Variants in LMNB1 observed in about 807,000 individuals in gnomAD.
LMNB1 encodes the protein lamin-B1.
In LMNB1, 23 loss-of-function variants were observed where a neutral mutation model predicts 67.1. That is an observed-to-expected ratio of 0.34 (90% CI 0.25 to 0.49). The LOEUF is 0.49. Among genes scored for constraint, LMNB1 ranks in the 20% least tolerant of loss-of-function variants. LMNB1 has a pLI of 0.99. For synonymous variants in LMNB1, 281 were observed against 282.9 expected (o/e 0.99, Z 0.07); for missense variants, 634 against 746.5 (o/e 0.85, Z 1.76).
At chr5:126,830,440 TG>T (rs1561755563) in intron 9 of LMNB1, among the ~76,000 whole-genome samples, 1 of 152,274 alleles carries the variant, frequency 6.6e-6, no homozygotes, top group Non-Finnish European at 1.5e-5. Flanking sequence ...AACAGCTTTT[TG>T]GTTCTAAATT....
intron 1 of LMNB1, among the ~76,000 whole-genome samples, chr5:126,783,862 A>G (rs1415318165): frequency 6.6e-6 from 1 of 151,910 alleles, no homozygotes. Flanking sequence ...TTCATGTACA[A>G]ATGTTGAGAA....
At chr5:126,836,193 A>G in intron 10 of LMNB1, 30 bp from the exon 11 acceptor site, 1 of 1,552,192 alleles carries the variant, frequency 6.4e-7, no homozygotes, top group African/African-American at 1.4e-5. Flanking sequence ...TTTCTTTAGT[A>G]TTAATTTTTC....
chr5:126,798,433 GAGCGAGACTCTGTCTCAAAACAA>G (rs1751166825), intron 1 of LMNB1, among the ~76,000 whole-genome samples: 1 of 152,086 alleles, frequency 6.6e-6, no homozygotes, highest in African/African-American at 2.4e-5. Context: ...CTGGGCCACA[GAGCGAGACTCTGTCTCAAAACAA>G]ACAAACAAAC....
At chr5:126,819,844 C>A (rs746231252) in intron 6 of LMNB1, among the ~76,000 whole-genome samples, 9 of 152,044 alleles carry the variant, frequency 5.9e-5, no homozygotes, top group Non-Finnish European at 1.0e-4. Flanking sequence ...CACCTGTTCT[C>A]AGAAAAGAGT....
chr5:126,793,856 A>G (rs929452739), intron 1 of LMNB1, among the ~76,000 whole-genome samples: 1 of 152,224 alleles, frequency 6.6e-6, no homozygotes, highest in African/African-American at 2.4e-5. Context: ...GGCCTGGGCA[A>G]CAAGAGTGAA....
intron 5 of LMNB1, among the ~76,000 whole-genome samples, chr5:126,818,239 C>CTTTT (rs376846973): frequency 4.2e-4 from 57 of 134,176 alleles, no homozygotes; most frequent in African/African-American, 1.4e-3. Context: ...GTGTTTATAT[C>CTTTT]TTTTTTTTTT....
chr5:126,786,563 G>C (rs575485549), intron 1 of LMNB1, among the ~76,000 whole-genome samples: 1 of 152,126 alleles, frequency 6.6e-6, no homozygotes, highest in African/African-American at 2.4e-5. Flanking sequence ...ATTGTGATAG[G>C]GTGTTCACAT....
chr5:126,825,324 A>G (rs1186328040), intron 8 of LMNB1, among the ~76,000 whole-genome samples: 1 of 152,204 alleles, frequency 6.6e-6, no homozygotes, highest in African/African-American at 2.4e-5. Flanking sequence ...TTCAATAGCA[A>G]TTATATTTTC....
chr5:126,808,395 G>A (rs1374352363), intron 3 of LMNB1, among the ~76,000 whole-genome samples: 4 of 150,532 alleles, frequency 2.7e-5, no homozygotes, highest in Admixed American at 2.0e-4. Flanking sequence ...TACCATGTTG[G>A]CCAGGCTGGT....
rs1247647965 is a variant in LMNB1, at chr5:126,804,767, C to G, written c.360-9C>G. ...GTTTGATGTCTTATGCTTTTTAAAT[C>G]TGTTCCAGCTATGCTAAGAAGGAAT... On this transcript the variant is annotated splice_polypyrimidine_tract_variant and intron_variant, in intron 1 of 10. Coordinates refer to ENST00000261366, the MANE Select transcript of LMNB1 (RefSeq NM_005573.4). 1.2e-6 allele frequency: 2 copies of G among 1,612,198 alleles called. No homozygotes were observed. Among genetic ancestry groups the G allele is most frequent in the South Asian group, 1.1e-5 (1 of 90,800 alleles).
chr5:126,836,112 G>T, intron 10 of LMNB1, 111 bp from the exon 11 acceptor site: 1 of 749,406 alleles, frequency 1.3e-6, no homozygotes. Context: ...GGGTCCATTT[G>T]AGGTTAGGTA....
intron 3 of LMNB1, among the ~76,000 whole-genome samples, chr5:126,808,589 G>A (rs1751510064): frequency 6.6e-6 from 1 of 152,060 alleles, no homozygotes; most frequent in Non-Finnish European, 1.5e-5. Flanking sequence ...AGACGAAAGA[G>A]GAAGGAGGAG....
Position 126,836,370 on chromosome 5 carries a change from G to C in LMNB1, c.*106G>C. On this transcript the variant is annotated 3_prime_UTR_variant, in exon 11 of 11. Transcript: ENST00000261366. ...GAATATTTTTATATTTCCTTTATGT[G>C]AATTTTTAAGCTGCAAATCTGATGG... 1 of 802,314 alleles carries C rather than the reference G, an allele frequency of 1.2e-6. No individual in the cohort carries two copies. Among genetic ancestry groups the C allele is most frequent in the South Asian group, 1.8e-5 (1 of 55,828 alleles). 49.7% of individuals were successfully genotyped at this position (802,314 alleles called of 1,614,324 possible).
chr5:126,780,361 A>G (rs1431557330), intron 1 of LMNB1, among the ~76,000 whole-genome samples: 3 of 152,210 alleles, frequency 2.0e-5, no homozygotes, highest in Non-Finnish European at 4.4e-5. Context: ...TCTGATGTGA[A>G]GCATTTTGAT....
At chr5:126,794,599 C>T (rs1233513177) in intron 1 of LMNB1, among the ~76,000 whole-genome samples, 1 of 152,128 alleles carries the variant, frequency 6.6e-6, no homozygotes, top group Non-Finnish European at 1.5e-5. Context: ...CACTTGAGTA[C>T]TGCACTAGTG....
At position 126,836,209 on chromosome 5, in the gene LMNB1, G is replaced by A. The variant is rs539816267; in HGVS notation, c.1720-14G>A. 6.2e-7 allele frequency: 1 copy of A among 1,601,300 alleles called. No homozygotes were observed. The highest frequency in any genetic ancestry group is 1.1e-5 in the South Asian group (1 of 90,230). On this transcript the variant is annotated splice_polypyrimidine_tract_variant and intron_variant, in intron 10 of 10. Transcript: ENST00000261366. ...TTCTTTAGTATTAATTTTTCCTTCTGTTTTCCTCATCAGGGAACCCCAAGA... is the reference window on the plus strand; with the variant it reads ...TTCTTTAGTATTAATTTTTCCTTCTATTTTCCTCATCAGGGAACCCCAAGA...
rs61578729 is a variant in LMNB1, at chr5:126,784,014, A to ATTTTTTTTTTTTTTTTTTTTTTTTTT, written c.359+6149_359+6174dup. Reference sequence around the variant, plus strand: ...GAGATTGTGCTTTGGCTGTCATTTGATTTTTTTTTTTTTTTTTTTTTTTTT... The same window carrying ATTTTTTTTTTTTTTTTTTTTTTTTTT: ...GAGATTGTGCTTTGGCTGTCATTTGATTTTTTTTTTTTTTTTTTTTTTTTTTTTTTTTTTTTTTTTTTTTTTTTTTT... On this transcript the variant is annotated intron_variant, in intron 1 of 10. Coordinates refer to ENST00000261366, the MANE Select transcript of LMNB1 (RefSeq NM_005573.4). Among the ~76,000 whole-genome samples the ATTTTTTTTTTTTTTTTTTTTTTTTTT allele has an allele frequency of 3.4e-5, 2 of 59,436 alleles. 1 individual carries two copies. Among genetic ancestry groups the ATTTTTTTTTTTTTTTTTTTTTTTTTT allele is most frequent in the Non-Finnish European group, 5.8e-5 (2 of 34,274 alleles). 39.0% of individuals were successfully genotyped at this position (59,436 alleles called of 152,430 possible).
At chr5:126,814,187 A>ACCTGGC (rs1291747081) in intron 5 of LMNB1, among the ~76,000 whole-genome samples, 1 of 152,096 alleles carries the variant, frequency 6.6e-6, no homozygotes, top group Non-Finnish European at 1.5e-5. Context: ...GAGCCACTGC[A>ACCTGGC]CCTGGCCTAT....
intron 5 of LMNB1, among the ~76,000 whole-genome samples, chr5:126,816,467 AT>A (rs1468913114): frequency 1.3e-5 from 2 of 152,228 alleles, no homozygotes; most frequent in Non-Finnish European, 2.9e-5. Context: ...GCAAAGTACT[AT>A]AGACAGTTCT....
Sources: allele counts gnomAD v4.1 joint callset (sites outside exome capture counted in the v4.1 genomes callset), GRCh38; gene constraint gnomAD v4.1.1; transcripts MANE v1.5; gene names NCBI Gene and HGNC (gene_info 2026-07-23, HGNC 2026-07-21).